The following MARCHF3 variants were observed in gnomAD, a reference collection of about 807,000 sequenced individuals.
The protein encoded by MARCHF3 is membrane associated ring-CH-type finger 3, also known as E3 ubiquitin-protein ligase MARCHF3.
In MARCHF3, 13 loss-of-function variants were observed where a neutral mutation model predicts 24.2. The observed-to-expected ratio is 0.54, with a 90% CI of 0.35 to 0.85. The LOEUF (loss-of-function observed/expected upper bound fraction) is 0.85. Ranked by LOEUF, MARCHF3 falls within the 40% of genes least tolerant of loss-of-function variation. MARCHF3 has a pLI of 0.01. For synonymous variants in MARCHF3, 144 were observed against 137.3 expected, an observed-to-expected ratio of 1.05 and a Z score of -0.34; for missense variants, 276 against 325.0, an observed-to-expected ratio of 0.85 and a Z score of 1.16.
At chr5:126,935,823 C>G (rs909155966) in intron 1 of MARCHF3, among the ~76,000 whole-genome samples, 4 of 151,792 alleles carry the variant, frequency 2.6e-5, no homozygotes, top group East Asian at 1.9e-4. Flanking sequence ...GTTGGGCAGG[C>G]TAGTCTCGAA....
intron 1 of MARCHF3, among the ~76,000 whole-genome samples, chr5:126,994,897 A>T (rs1027701123): frequency 6.6e-6 from 1 of 152,252 alleles, no homozygotes; most frequent in Non-Finnish European, 1.5e-5. Flanking sequence ...TGACTCCAAG[A>T]GTCCAAAAGC....
chr5:126,910,685 C>T (rs6897653), intron 3 of MARCHF3, among the ~76,000 whole-genome samples: 7 of 152,108 alleles, frequency 4.6e-5, no homozygotes, highest in African/African-American at 1.7e-4. Flanking sequence ...TATGTCACCT[C>T]AGGACCCTGT....
intron 1 of MARCHF3, among the ~76,000 whole-genome samples, chr5:126,986,192 C>T (rs1236640268): frequency 6.6e-6 from 1 of 152,166 alleles, no homozygotes; most frequent in African/African-American, 2.4e-5. Context: ...AAAATGACCT[C>T]AGGCAAATTA....
intron 2 of MARCHF3, among the ~76,000 whole-genome samples, chr5:126,916,692 G>GACAGACACACACAC (rs750408549): frequency 4.1e-4 from 53 of 130,556 alleles, no homozygotes; most frequent in African/African-American, 1.3e-3. Flanking sequence ...CAGACAGACA[G>GACAGACACACACAC]ACACACACAC....
At chr5:127,010,847 T>C (rs1370825381) in intron 1 of MARCHF3, among the ~76,000 whole-genome samples, 1 of 151,920 alleles carries the variant, frequency 6.6e-6, no homozygotes, top group African/African-American at 2.4e-5. Flanking sequence ...CAAAATGAGG[T>C]AGAGTAGTCA....
intron 1 of MARCHF3, among the ~76,000 whole-genome samples, chr5:126,983,819 A>G (rs1751474504): frequency 6.6e-6 from 1 of 152,188 alleles, no homozygotes; most frequent in African/African-American, 2.4e-5. Flanking sequence ...CAACCAAAGG[A>G]GAACATGGGA....
At chr5:126,934,180 T>C (rs144939596) in intron 1 of MARCHF3, among the ~76,000 whole-genome samples, 361 of 152,302 alleles carry the variant, frequency 2.4e-3, no homozygotes, top group Non-Finnish European at 4.5e-3. Flanking sequence ...TTCTTATTTA[T>C]TTATTTATTT....
intron 1 of MARCHF3, among the ~76,000 whole-genome samples, chr5:126,955,356 G>A (rs1186966830): frequency 6.6e-6 from 1 of 152,208 alleles, no homozygotes; most frequent in African/African-American, 2.4e-5. Context: ...GGAAATATTT[G>A]TTGTGGTAAA....
intron 3 of MARCHF3, 97 bp downstream of exon 3, chr5:126,914,833 C>T (rs1754665454): frequency 6.9e-6 from 7 of 1,008,230 alleles, no homozygotes; most frequent in Admixed American, 2.0e-5. Context: ...TATTACCGTG[C>T]TTCAGTAAAG....
chr5:126,956,919 T>C (rs955727044), intron 1 of MARCHF3, among the ~76,000 whole-genome samples: 3 of 152,052 alleles, frequency 2.0e-5, no homozygotes, highest in African/African-American at 7.2e-5. Flanking sequence ...TTAAGAACGG[T>C]GTTTCTTTCT....
At position 126,944,467 on chromosome 5, in the gene MARCHF3, T is replaced by A. The variant is rs573649200; in HGVS notation, c.-56-26240A>T. Among the ~76,000 whole-genome samples the A allele has an allele frequency of 8.3e-4, 127 of 152,268 alleles. 1 individual carries two copies. The highest frequency in any genetic ancestry group is 3.0e-3 in the African/African-American group (126 of 41,564). ...TACAAAAATTATCCAGGCATGGTTG[T>A]ACATGCCCAGGGGGCTGAGGCAGGG... On this transcript the variant is annotated intron_variant, in intron 1 of 4. Transcript: ENST00000308660.
intron 1 of MARCHF3, among the ~76,000 whole-genome samples, chr5:126,971,438 G>A (rs1751005538): frequency 1.6e-5 from 2 of 123,592 alleles, no homozygotes; most frequent in Admixed American, 1.9e-4. Context: ...GACAGAGCGA[G>A]ACTCTGTCTC....
At chr5:126,988,571 C>G (rs1580710682) in intron 1 of MARCHF3, among the ~76,000 whole-genome samples, 1 of 152,112 alleles carries the variant, frequency 6.6e-6, no homozygotes, top group African/African-American at 2.4e-5. Context: ...ATCTAACAGA[C>G]AGGAGAGTCA....
rs73783485 is a variant in MARCHF3, at chr5:126,912,042, T to C, written c.393+2888A>G. ...CTAAGTGAGGAGGGCATGCCCAGTTTGGAGGTTCTAATGAAAATCAGCCCA... is the reference window on the plus strand; with the variant it reads ...CTAAGTGAGGAGGGCATGCCCAGTTCGGAGGTTCTAATGAAAATCAGCCCA... On this transcript the variant is annotated intron_variant, in intron 3 of 4. Transcript: ENST00000308660. 8.4e-3 allele frequency among the ~76,000 whole-genome samples: 1,275 copies of C among 152,272 alleles called. 18 individuals are homozygous for C. Among genetic ancestry groups the C allele is most frequent in the East Asian group, 0.025 (132 of 5,190 alleles).
chr5:126,927,524 A>G (rs945946987), intron 1 of MARCHF3, among the ~76,000 whole-genome samples: 3 of 152,208 alleles, frequency 2.0e-5, no homozygotes, highest in African/African-American at 7.2e-5. Flanking sequence ...GTATGGGCAC[A>G]GCATGCATCA....
chr5:126,980,192 T>C (rs886650296), intron 1 of MARCHF3, among the ~76,000 whole-genome samples: 1 of 152,090 alleles, frequency 6.6e-6, no homozygotes, highest in Non-Finnish European at 1.5e-5. Flanking sequence ...TAGTAGATCC[T>C]GGAAGTGACA....
chr5:127,013,908 G>T (rs1752550048), intron 1 of MARCHF3, among the ~76,000 whole-genome samples: 1 of 152,034 alleles, frequency 6.6e-6, no homozygotes, highest in Admixed American at 6.6e-5. Context: ...ACTCAAAATG[G>T]ATTAAAGGCC....
chr5:126,977,195 G>C (rs1751231477), intron 1 of MARCHF3, among the ~76,000 whole-genome samples: 1 of 152,192 alleles, frequency 6.6e-6, no homozygotes. Flanking sequence ...TGAAGTTACT[G>C]TTGCCCTGTA....
chr5:126,953,712 G>A (rs1459142695), intron 1 of MARCHF3, among the ~76,000 whole-genome samples: 1 of 152,096 alleles, frequency 6.6e-6, no homozygotes, highest in African/African-American at 2.4e-5. Flanking sequence ...AATTTCATAA[G>A]GAGTTGCCTT....
Sources: allele counts gnomAD v4.1 joint callset (sites outside exome capture counted in the v4.1 genomes callset), GRCh38; gene constraint gnomAD v4.1.1; transcripts MANE v1.5; gene names NCBI Gene and HGNC (gene_info 2026-07-23, HGNC 2026-07-21).